PLXNA1: variants seen among roughly 807,000 people sequenced by gnomAD.
PLXNA1 encodes the protein plexin A1, also known as plexin-A1.
Under a neutral mutation model 191.7 loss-of-function variants are expected in PLXNA1, and 77 were observed. That is an observed-to-expected ratio of 0.40 (90% confidence interval 0.33 to 0.49). The LOEUF is 0.49. Ranked by LOEUF, PLXNA1 falls within the 20% of genes least tolerant of loss-of-function variation. PLXNA1 has a pLI of 0.63. For synonymous variants in PLXNA1, 1,137 were observed against 1,156.4 expected (o/e 0.98, Z 0.34); for missense variants, 2,110 against 2,660.2 (o/e 0.79, Z 4.55).
At chr3:126,996,076 C>T (rs2079013579) in intron 3 of PLXNA1, among the ~76,000 whole-genome samples, 1 of 152,202 alleles carries the variant, frequency 6.6e-6, no homozygotes, top group Admixed American at 6.5e-5. Flanking sequence ...TTCTTCAGCA[C>T]TCCTAGGGGT....
chr3:127,032,283 G>A (rs2079215284), intron 29 of PLXNA1, 104 bp from the exon 30 acceptor site: 6 of 1,198,538 alleles, frequency 5.0e-6, no homozygotes, highest in Non-Finnish European at 7.1e-6. Context: ...CCGTCTGCAT[G>A]GAAAGCCATG....
chr3:127,011,318 C>T (rs1442432760), intron 9 of PLXNA1, among the ~76,000 whole-genome samples: 1 of 152,150 alleles, frequency 6.6e-6, no homozygotes, highest in Non-Finnish European at 1.5e-5. Flanking sequence ...CCTGGAGCTC[C>T]TGAGGGGCCA....
At chr3:126,996,369 T>C (rs1208917657) in intron 3 of PLXNA1, among the ~76,000 whole-genome samples, 2 of 152,106 alleles carry the variant, frequency 1.3e-5, no homozygotes, top group African/African-American at 4.8e-5. Flanking sequence ...TAGAGGCCTC[T>C]TTGCACTCCC....
At chr3:127,031,601 C>A (rs528725733) in intron 29 of PLXNA1, among the ~76,000 whole-genome samples, 3 of 152,210 alleles carry the variant, frequency 2.0e-5, no homozygotes, top group Non-Finnish European at 2.9e-5. Context: ...TTGGTCTTGT[C>A]CATCCCATGT....
At chr3:126,992,106 G>T (rs1276993033) in intron 3 of PLXNA1, among the ~76,000 whole-genome samples, 4 of 152,222 alleles carry the variant, frequency 2.6e-5, no homozygotes, top group Non-Finnish European at 4.4e-5. Flanking sequence ...CCCTGGGCTG[G>T]CCCCACGGTG....
intron 26 of PLXNA1, 90 bp from the exon 27 acceptor site, chr3:127,029,350 G>A: frequency 1.7e-6 from 2 of 1,210,434 alleles, no homozygotes; most frequent in Non-Finnish European, 2.5e-6. Flanking sequence ...CAGCACTAGG[G>A]TGTCACCGGG....
At chr3:127,028,879 C>T (rs1049410724) in intron 25 of PLXNA1, 114 bp from the exon 26 acceptor site, 4 of 730,502 alleles carry the variant, frequency 5.5e-6, no homozygotes, top group African/African-American at 5.2e-5. Context: ...AGGTATGTCC[C>T]TGCCCTGTGC....
intron 1 of PLXNA1, among the ~76,000 whole-genome samples, chr3:126,983,724 G>GC (rs1576664748): frequency 6.6e-6 from 1 of 151,504 alleles, no homozygotes; most frequent in East Asian, 1.9e-4. Context: ...CCGCGGGGAG[G>GC]CCCCTGCGGT....
chr3:127,030,949 G>A (rs1029901771), intron 29 of PLXNA1, among the ~76,000 whole-genome samples: 62 of 152,194 alleles, frequency 4.1e-4, no homozygotes, highest in South Asian at 2.1e-4. Context: ...ACCGTGCACA[G>A]CTACACCAAT....
At chr3:127,021,056 C>A (rs1177995245) in intron 21 of PLXNA1, among the ~76,000 whole-genome samples, 1 of 152,206 alleles carries the variant, frequency 6.6e-6, no homozygotes, top group Non-Finnish European at 1.5e-5. Flanking sequence ...GTCACACTCT[C>A]CAGCTGAGGG....
Position 127,022,741 on chromosome 3 carries a change from G to C in PLXNA1, c.4296-11G>C. 3 of 1,613,358 alleles carry C rather than the reference G, an allele frequency of 1.9e-6. No homozygotes were observed. The highest frequency in any genetic ancestry group is 1.7e-6 in the Non-Finnish European group (2 of 1,179,438). Reference sequence around the variant, plus strand: ...AATGACACCACTCTGCCCATATTCTGTGCTCCCCAGGACTGAGTCGGTGGC... The same window carrying C: ...AATGACACCACTCTGCCCATATTCTCTGCTCCCCAGGACTGAGTCGGTGGC... On this transcript the variant is annotated splice_polypyrimidine_tract_variant and intron_variant, in intron 22 of 31. Coordinates refer to ENST00000393409, the MANE Select transcript of PLXNA1 (RefSeq NM_032242.4).
intron 3 of PLXNA1, among the ~76,000 whole-genome samples, chr3:126,993,386 G>A (rs1442873629): frequency 6.6e-6 from 1 of 152,198 alleles, no homozygotes; most frequent in Admixed American, 6.5e-5. Context: ...GGTATGGGTG[G>A]AGCCTGTCCT....
chr3:127,003,245 T>G (rs1338231931), intron 3 of PLXNA1, 85 bp from the exon 4 acceptor site: 3 of 1,444,424 alleles, frequency 2.1e-6, no homozygotes, highest in Non-Finnish European at 2.8e-6. Flanking sequence ...AGGGAGGGGC[T>G]TTAGACCCCT....
intron 3 of PLXNA1, among the ~76,000 whole-genome samples, chr3:126,995,459 A>G (rs569062528): frequency 6.6e-6 from 1 of 152,336 alleles, no homozygotes; most frequent in East Asian, 1.9e-4. Context: ...CTACAGAGGA[A>G]GCTGGGGAGA....
At chr3:127,013,937 G>C in intron 10 of PLXNA1, 83 bp from the exon 11 acceptor site, 6 of 1,244,406 alleles carry the variant, frequency 4.8e-6, no homozygotes, top group Middle Eastern at 3.9e-4. Context: ...CTAAGCTGGC[G>C]CCCTGGTGGC....
intron 1 of PLXNA1, among the ~76,000 whole-genome samples, 73 bp downstream of exon 1, chr3:126,983,360 C>A (rs2107618151): frequency 6.9e-6 from 1 of 144,476 alleles, no homozygotes; most frequent in African/African-American, 2.5e-5. Flanking sequence ...GGTCCGGGGC[C>A]GGGCGGCCCG....
At chr3:127,014,667 A>G in intron 13 of PLXNA1, 38 bp downstream of exon 13, 1 of 1,554,060 alleles carries the variant, frequency 6.4e-7, no homozygotes, top group Non-Finnish European at 8.9e-7. Flanking sequence ...GCGGGACGGG[A>G]CGGGGCGGGG....
At chr3:127,031,353 C>T (rs554140882) in intron 29 of PLXNA1, among the ~76,000 whole-genome samples, 2 of 152,320 alleles carry the variant, frequency 1.3e-5, no homozygotes, top group South Asian at 4.1e-4. Context: ...GCACCAGGCC[C>T]CTCTACCTGC....
Position 127,028,944 on chromosome 3 carries a change from G to A in PLXNA1, c.4670-49G>A, listed in dbSNP as rs374747713. ...CCCACTACACTGCTGTGATGGAGGA[G>A]GGAAAGAGGGCCCCAGCGGCCCCAC... On this transcript the variant is annotated intron_variant, in intron 25 of 31. Coordinates refer to ENST00000393409, the MANE Select transcript of PLXNA1 (RefSeq NM_032242.4). 10 of 1,463,978 alleles carry A rather than the reference G, an allele frequency of 6.8e-6. No homozygotes were observed. In the African/African-American group the frequency reaches 1.4e-4, roughly 20 times the overall value. 90.7% of individuals were successfully genotyped at this position (1,463,978 alleles called of 1,614,324 possible). A position where few individuals can be genotyped will look rare whatever the true frequency, so the allele number is the denominator to read the frequency against.
Sources: allele counts gnomAD v4.1 joint callset (sites outside exome capture counted in the v4.1 genomes callset), GRCh38; gene constraint gnomAD v4.1.1; transcripts MANE v1.5; gene names NCBI Gene and HGNC (gene_info 2026-07-23, HGNC 2026-07-21).